Variants in NOX4 observed in about 807,000 individuals in gnomAD.
NOX4 encodes the protein NADPH oxidase 4, also known as kidney oxidase-1.
In NOX4, 69 loss-of-function variants were observed where a neutral mutation model predicts 87.6. The ratio of observed to expected loss-of-function variants is 0.79; its 90% CI spans 0.65 to 0.96. The LOEUF (loss-of-function observed/expected upper bound fraction) is 0.96. NOX4 is among the 40% of genes least tolerant of loss of function. The pLI, the probability that NOX4 is intolerant of heterozygous loss-of-function variation, is 0.00. For synonymous variants in NOX4, 275 were observed against 238.2 expected (o/e 1.15, Z -1.42); for missense variants, 680 against 681.5 (o/e 1.00, Z 0.02).
chr11:89,467,017 T>C (rs551437467), intron 2 of NOX4, among the ~76,000 whole-genome samples: 25 of 152,044 alleles, frequency 1.6e-4, no homozygotes, highest in Admixed American at 2.6e-4. Context: ...GAGAAGCTAA[T>C]TGGGGGGAGC....
intron 3 of NOX4, among the ~76,000 whole-genome samples, chr11:89,451,034 TG>T (rs1349010568): frequency 7.9e-6 from 1 of 126,606 alleles, no homozygotes; most frequent in East Asian, 2.4e-4. Context: ...GGACACAGGA[TG>T]GGGAACATCA....
intron 8 of NOX4, among the ~76,000 whole-genome samples, chr11:89,417,160 T>C (rs1473583508): frequency 1.3e-5 from 2 of 152,122 alleles, no homozygotes; most frequent in Non-Finnish European, 2.9e-5. Flanking sequence ...CCAAATCTCA[T>C]TTACAATGCA....
At chr11:89,490,323 C>A in intron 2 of NOX4, 135 bp downstream of exon 2, 2 of 638,790 alleles carry the variant, frequency 3.1e-6, no homozygotes, top group Non-Finnish European at 5.5e-6. Flanking sequence ...GAAAATGTGA[C>A]CACTTTAGAG....
chr11:89,515,077 T>C, the NOX4 span, among the ~76,000 whole-genome samples: 1 of 152,070 alleles, frequency 6.6e-6, no homozygotes, highest in Non-Finnish European at 1.5e-5. Context: ...TGAATATGCA[T>C]GTGCAAGCCT....
chr11:89,462,754 A>T (rs188038930), intron 2 of NOX4, among the ~76,000 whole-genome samples: 1 of 152,212 alleles, frequency 6.6e-6, no homozygotes. Flanking sequence ...AATAGAACAT[A>T]ATATATTAAT....
intron 7 of NOX4, among the ~76,000 whole-genome samples, chr11:89,426,816 A>T (rs1943445593): frequency 6.6e-6 from 1 of 152,178 alleles, no homozygotes; most frequent in Non-Finnish European, 1.5e-5. Flanking sequence ...GCCGAACAAA[A>T]GGCAGCAGAA....
chr11:89,571,286 T>C, the NOX4 span, among the ~76,000 whole-genome samples: 4 of 148,894 alleles, frequency 2.7e-5, no homozygotes, highest in Admixed American at 6.9e-5. Flanking sequence ...TCTGATTTAT[T>C]ATTTTTTCTT....
At chr11:89,582,753 C>T in the NOX4 span, among the ~76,000 whole-genome samples, 1 of 152,220 alleles carries the variant, frequency 6.6e-6, no homozygotes, top group Non-Finnish European at 1.5e-5. Flanking sequence ...GAGCTACCTG[C>T]TGACAGGTGT....
intron 12 of NOX4, among the ~76,000 whole-genome samples, chr11:89,366,423 G>A (rs1441024914): frequency 6.6e-6 from 1 of 152,022 alleles, no homozygotes; most frequent in African/African-American, 2.4e-5. Flanking sequence ...CACTCCTGTA[G>A]TCACAGCACT....
intron 13 of NOX4, among the ~76,000 whole-genome samples, chr11:89,345,971 G>C (rs1323338145): frequency 6.6e-6 from 1 of 152,048 alleles, no homozygotes; most frequent in Admixed American, 6.6e-5. Context: ...AGAAAGAAAG[G>C]AAAGGCATCC....
chr11:89,512,684 G>C, the NOX4 span, among the ~76,000 whole-genome samples: 1 of 152,000 alleles, frequency 6.6e-6, no homozygotes, highest in Non-Finnish European at 1.5e-5. Context: ...GGTCATTTAG[G>C]TTGTTTCCAT....
chr11:89,329,701 A>G (rs1945390403), intron 17 of NOX4, among the ~76,000 whole-genome samples: 2 of 152,080 alleles, frequency 1.3e-5, no homozygotes, highest in Admixed American at 1.3e-4. Flanking sequence ...TGCAAGTCAG[A>G]AGGCAATGAA....
At chr11:89,484,789 T>C (rs996527931) in intron 2 of NOX4, among the ~76,000 whole-genome samples, 1 of 152,134 alleles carries the variant, frequency 6.6e-6, no homozygotes, top group African/African-American at 2.4e-5. Flanking sequence ...GAAAATTGTG[T>C]CTAAATAACA....
At chr11:89,441,778 C>T (rs923747675) in intron 5 of NOX4, among the ~76,000 whole-genome samples, 1 of 151,848 alleles carries the variant, frequency 6.6e-6, no homozygotes, top group Non-Finnish European at 1.5e-5. Context: ...GATGTTTTCA[C>T]AGTGGCAAGA....
chr11:89,423,847 A>C (rs1191958069), intron 7 of NOX4, among the ~76,000 whole-genome samples: 1 of 152,042 alleles, frequency 6.6e-6, no homozygotes, highest in African/African-American at 2.4e-5. Context: ...TGAGCCCAGG[A>C]GTCTGAGACC....
chr11:89,566,206 C>A, the NOX4 span, among the ~76,000 whole-genome samples: 1 of 151,940 alleles, frequency 6.6e-6, no homozygotes, highest in African/African-American at 2.4e-5. Context: ...CAACGCCCAG[C>A]TAATTTTCTG....
chr11:89,463,352 A>G (rs1161352286), intron 2 of NOX4, among the ~76,000 whole-genome samples: 1 of 151,912 alleles, frequency 6.6e-6, no homozygotes, highest in Non-Finnish European at 1.5e-5. Flanking sequence ...TTTGGCAACA[A>G]GTTTGAATCA....
chr11:89,460,993 T>C (rs954767194), intron 2 of NOX4, among the ~76,000 whole-genome samples: 4 of 152,104 alleles, frequency 2.6e-5, no homozygotes, highest in Non-Finnish European at 4.4e-5. Flanking sequence ...AGATGATGAG[T>C]TCATGTCCTT....
chr11:89,421,848 A>T, intron 8 of NOX4, 54 bp downstream of exon 8: 2 of 1,075,060 alleles, frequency 1.9e-6, no homozygotes, highest in Non-Finnish European at 2.7e-6. Context: ...GTTTTCTTTC[A>T]TTACCCCATT....
Sources: gnomAD v4.1 joint callset for allele counts (sites outside exome capture counted in the v4.1 genomes callset) on GRCh38, gnomAD v4.1.1 for gene constraint, MANE v1.5 for transcripts, NCBI Gene and HGNC (gene_info 2026-07-23, HGNC 2026-07-21) for gene names.